The following ITGA9 variants were observed in gnomAD, a reference collection of about 807,000 sequenced individuals.
ITGA9 encodes the protein integrin alpha-9.
In ITGA9, 56 loss-of-function variants were observed where a neutral mutation model predicts 127.8. The observed-to-expected ratio is 0.44, with a 90% confidence interval of 0.35 to 0.55. The LOEUF (loss-of-function observed/expected upper bound fraction) is 0.55, where lower values mean the gene tolerates loss of function less well. Among genes scored for constraint, ITGA9 ranks in the 20% least tolerant of loss-of-function variants. The pLI is 0.00. For missense variants in ITGA9, 1,196 were observed against 1,347.1 expected, an observed-to-expected ratio of 0.89 and a Z score of 1.76; for synonymous variants, 508 against 514.5, an observed-to-expected ratio of 0.99 and a Z score of 0.17.
chr3:37,580,532 A>G (rs573030808), intron 15 of ITGA9, among the ~76,000 whole-genome samples: 21 of 152,348 alleles, frequency 1.4e-4, no homozygotes, highest in African/African-American at 5.1e-4. Context: ...CCCACCCTCT[A>G]GCATTGGAAG....
chr3:37,511,468 A>G (rs1476739513), intron 8 of ITGA9, among the ~76,000 whole-genome samples: 1 of 152,262 alleles, frequency 6.6e-6, no homozygotes, highest in East Asian at 1.9e-4. Flanking sequence ...CTAATTTAAC[A>G]TTGATGAAGA....
rs61762997 is a variant in ITGA9 at position 37,818,904 on chromosome 3, G to A, written c.3023G>A (p.Arg1008His). ...TCTGCCTTTCAGATGGGCTTCTTTCGCCGAAGGTACAAAGAAATTATCGAA... is the reference window on the plus strand; with the variant it reads ...TCTGCCTTTCAGATGGGCTTCTTTCACCGAAGGTACAAAGAAATTATCGAA... Reference protein sequence around the residue: ...AVLLWKMGFFRRRYKEIIEAE... With the variant: ...AVLLWKMGFFHRRYKEIIEAE... Residue 1008 changes from arginine (R) to histidine (H), a missense_variant, in exon 28 of 28, where the codon CGC becomes CAC. By Grantham distance (29) the Arg-to-His change is conservative. Coordinates refer to ENST00000264741, the MANE Select transcript of ITGA9 (RefSeq NM_002207.3). 440 of 1,613,582 alleles carry A rather than the reference G, an allele frequency of 2.7e-4. 2 individuals are homozygous for A. In the East Asian group the frequency reaches 7.8e-3, roughly 29 times the overall value.
intron 16 of ITGA9, among the ~76,000 whole-genome samples, chr3:37,642,157 G>T (rs907428441): frequency 1.8e-4 from 27 of 152,038 alleles, no homozygotes; most frequent in Non-Finnish European, 3.8e-4. Flanking sequence ...TGTTGCCCAG[G>T]CTGGTCTTGA....
At chr3:37,739,415 C>T (rs750639462) in intron 20 of ITGA9, among the ~76,000 whole-genome samples, 4 of 152,246 alleles carry the variant, frequency 2.6e-5, no homozygotes, top group South Asian at 2.1e-4. Context: ...CTGACTGCCC[C>T]GGAGGGCACC....
chr3:37,530,688 C>T (rs930642308), intron 13 of ITGA9, among the ~76,000 whole-genome samples: 2 of 141,966 alleles, frequency 1.4e-5, no homozygotes, highest in South Asian at 2.3e-4. Context: ...GAACTGTCAG[C>T]CCTCAGGGAG....
chr3:37,644,424 A>G (rs76224068), intron 16 of ITGA9, among the ~76,000 whole-genome samples: 26,594 of 152,084 alleles, frequency 0.17, 2,489 homozygotes, highest in East Asian at 0.24. Context: ...ATGATGGACA[A>G]TGGAGGGGTG....
intron 3 of ITGA9, among the ~76,000 whole-genome samples, chr3:37,475,803 G>T (rs1161188497): frequency 6.6e-6 from 1 of 152,136 alleles, no homozygotes; most frequent in African/African-American, 2.4e-5. Context: ...GCACATTGTT[G>T]TACAACAAAC....
intron 17 of ITGA9, among the ~76,000 whole-genome samples, chr3:37,658,770 C>A (rs1700503622): frequency 6.6e-6 from 1 of 152,180 alleles, no homozygotes; most frequent in Admixed American, 6.5e-5. Context: ...GATGCAGCTT[C>A]TTCATAGTGT....
chr3:37,481,568 C>T lies in ITGA9; in HGVS notation c.505C>T (p.Leu169Phe). ...CTTCTGCTACATCATCCCCTCCAAC[C>T]TCCAGGCCAAAGGCAGGACGCTGAT... ...HGFCYIIPSNLQAKGRTLIPC... is the reference protein window; with the variant it reads ...HGFCYIIPSNFQAKGRTLIPC... Residue 169 changes from leucine to phenylalanine, a missense_variant, in exon 4 of 28, where the codon CTC (leucine) becomes TTC (phenylalanine). Leu to Phe is a conservative substitution (Grantham distance 22). Coordinates refer to ENST00000264741, the MANE Select transcript of ITGA9 (RefSeq NM_002207.3). The T allele has an allele frequency of 1.2e-6, 2 of 1,614,194 alleles. No individual in the cohort carries two copies. The highest frequency in any genetic ancestry group is 1.7e-6 in the Non-Finnish European group (2 of 1,180,028).
At chr3:37,659,023 G>A (rs1368433669) in intron 17 of ITGA9, among the ~76,000 whole-genome samples, 5 of 152,208 alleles carry the variant, frequency 3.3e-5, no homozygotes, top group African/African-American at 1.2e-4. Flanking sequence ...CTGCTGGCTT[G>A]TAGGGTTTCT....
At chr3:37,760,703 TA>T (rs964443480) in intron 23 of ITGA9, among the ~76,000 whole-genome samples, 1 of 151,928 alleles carries the variant, frequency 6.6e-6, no homozygotes, top group Non-Finnish European at 1.5e-5. Flanking sequence ...AGTTAGATGT[TA>T]AAAAAAATAT....
intron 15 of ITGA9, among the ~76,000 whole-genome samples, chr3:37,553,185 G>A (rs1045882531): frequency 2.0e-5 from 3 of 152,088 alleles, no homozygotes; most frequent in Non-Finnish European, 4.4e-5. Flanking sequence ...AGTCGGAGAC[G>A]CGATGCCCCC....
intron 15 of ITGA9, among the ~76,000 whole-genome samples, chr3:37,612,917 G>A (rs1700037107): frequency 6.6e-6 from 1 of 151,180 alleles, no homozygotes; most frequent in East Asian, 1.9e-4. Flanking sequence ...GCCTGGGGCT[G>A]ATCTGAGCCT....
At chr3:37,470,904 T>C in intron 1 of ITGA9, 103 bp from the exon 2 acceptor site, 1 of 1,145,284 alleles carries the variant, frequency 8.7e-7, no homozygotes, top group Non-Finnish European at 1.3e-6. Flanking sequence ...ATTTTCAAAG[T>C]GAGCACTCAG....
intron 26 of ITGA9, among the ~76,000 whole-genome samples, chr3:37,798,057 T>TA (rs1199391322): frequency 2.0e-5 from 3 of 152,186 alleles, no homozygotes; most frequent in Non-Finnish European, 4.4e-5. Context: ...GTGGCACAGT[T>TA]ACAGCTCACT....
At chr3:37,550,770 C>A (rs766915209) in intron 15 of ITGA9, among the ~76,000 whole-genome samples, 1 of 152,150 alleles carries the variant, frequency 6.6e-6, no homozygotes, top group Non-Finnish European at 1.5e-5. Context: ...TGTTTAACAA[C>A]CCTGGCTCAT....
intron 26 of ITGA9, among the ~76,000 whole-genome samples, chr3:37,801,174 AAGAAAAGAAAAG>A (rs1301586029): frequency 6.6e-6 from 1 of 152,094 alleles, no homozygotes; most frequent in Non-Finnish European, 1.5e-5. Context: ...CAAAAAAAGA[AAGAAAAGAAAAG>A]AGAAAAGAAA....
intron 15 of ITGA9, among the ~76,000 whole-genome samples, chr3:37,611,836 A>G (rs1039577685): frequency 6.6e-6 from 1 of 152,006 alleles, no homozygotes; most frequent in African/African-American, 2.4e-5. Context: ...CTGTAAAAGC[A>G]GAGAACACTG....
intron 3 of ITGA9, among the ~76,000 whole-genome samples, chr3:37,476,033 T>G (rs1472159870): frequency 6.6e-6 from 1 of 152,248 alleles, no homozygotes; most frequent in Non-Finnish European, 1.5e-5. Flanking sequence ...ATCTCCTTCC[T>G]TTTTAAAGGC....
Sources: allele counts gnomAD v4.1 joint callset (sites outside exome capture counted in the v4.1 genomes callset), GRCh38; gene constraint gnomAD v4.1.1; transcripts MANE v1.5; gene names NCBI Gene and HGNC (gene_info 2026-07-23, HGNC 2026-07-21).